DCTN6: variants seen among roughly 807,000 people sequenced by gnomAD.
The protein encoded by DCTN6 is dynactin 6.
In DCTN6, 15 loss-of-function variants were observed where a neutral mutation model predicts 25.8. That is an observed-to-expected ratio of 0.58 (90% confidence interval 0.39 to 0.89). The LOEUF (loss-of-function observed/expected upper bound fraction) is 0.89. Ranked by LOEUF, DCTN6 falls within the 40% of genes least tolerant of loss-of-function variation. The probability of loss-of-function intolerance (pLI) is 0.00; values close to 1 mark genes in which losing one functional copy is unlikely to be tolerated. For missense variants in DCTN6, 198 were observed against 237.6 expected (o/e 0.83, Z 1.09); for synonymous variants, 64 against 78.3 (o/e 0.82, Z 0.96).
At chr8:30,164,596 A>T (rs1803640976) in intron 2 of DCTN6, among the ~76,000 whole-genome samples, 1 of 152,196 alleles carries the variant, frequency 6.6e-6, no homozygotes, top group African/African-American at 2.4e-5. Flanking sequence ...CTTTGAACAT[A>T]TTACTTAACC....
intron 1 of DCTN6, among the ~76,000 whole-genome samples, chr8:30,157,322 T>C (rs1803539419): frequency 6.6e-6 from 1 of 152,238 alleles, no homozygotes; most frequent in African/African-American, 2.4e-5. Context: ...CCACATTTCC[T>C]TTATCCAGTC....
chr8:30,179,851 A>C (rs188549179), intron 5 of DCTN6, among the ~76,000 whole-genome samples: 192 of 152,262 alleles, frequency 1.3e-3, no homozygotes, highest in African/African-American at 3.8e-3. Context: ...AATCAGAAAC[A>C]AATATCATGT....
chr8:30,156,836 T>G (rs1803533001), intron 1 of DCTN6, among the ~76,000 whole-genome samples: 1 of 152,168 alleles, frequency 6.6e-6, no homozygotes, highest in African/African-American at 2.4e-5. Flanking sequence ...CCCACGCCAG[T>G]GCTGGCCGCA....
chr8:30,165,106 C>G (rs1392616041), intron 2 of DCTN6, among the ~76,000 whole-genome samples: 1 of 152,080 alleles, frequency 6.6e-6, no homozygotes, highest in Non-Finnish European at 1.5e-5. Context: ...GTATCTACCT[C>G]CTAGGTTTCT....
chr8:30,177,167 C>G lies in DCTN6; in HGVS notation c.236C>G (p.Pro79Arg). ...NITPDTEDPE[P>R]KPMIIGTNNV... is the part of the protein sequence containing the mutation. The stretch of plus-strand genomic sequence containing the variant: ...ACTCCTGACACTGAAGATCCAGAAC[C>G]AAAACCTATGATCATTGGCACCAAT... The change falls in exon 4 of 7, where the codon CCA becomes CGA. Residue 79 changes from proline to arginine, a missense_variant. Transcript: ENST00000221114. 1.2e-6 allele frequency: 2 copies of G among 1,613,792 alleles called. No individual in the cohort carries two copies. The highest frequency in any genetic ancestry group is 1.7e-6 in the Non-Finnish European group (2 of 1,179,854).
intron 2 of DCTN6, among the ~76,000 whole-genome samples, chr8:30,171,180 T>G (rs866577322): frequency 2.6e-5 from 4 of 152,264 alleles, no homozygotes; most frequent in Admixed American, 1.3e-4. Flanking sequence ...ATCTAGTGTC[T>G]CTGGCTACTT....
intron 3 of DCTN6, 92 bp downstream of exon 3, chr8:30,175,282 C>A: frequency 9.5e-7 from 1 of 1,048,040 alleles, no homozygotes; most frequent in Non-Finnish European, 1.4e-6. Flanking sequence ...AGCTGACATC[C>A]AGGAGGCCTA....
intron 3 of DCTN6, among the ~76,000 whole-genome samples, chr8:30,175,945 T>G (rs1803826634): frequency 6.6e-6 from 1 of 152,212 alleles, no homozygotes; most frequent in Non-Finnish European, 1.5e-5. Context: ...GTAAGTCAAT[T>G]AACAGCAACT....
chr8:30,165,295 G>C (rs1030369546), intron 2 of DCTN6, among the ~76,000 whole-genome samples: 1 of 151,952 alleles, frequency 6.6e-6, no homozygotes, highest in Non-Finnish European at 1.5e-5. Flanking sequence ...ACCTGGATAT[G>C]GTGCCCTTGT....
chr8:30,183,187 C>T lies in DCTN6; in HGVS notation c.*14C>T, dbSNP rs760861658. ...GTAAAGAACTAAGAACAGTGTATAA[C>T]ATGAAGATAACATTTTGTCTTTGAC... is the stretch of plus-strand genomic sequence containing the variant. On this transcript the variant is annotated 3_prime_UTR_variant, in exon 7 of 7. Coordinates refer to ENST00000221114, the MANE Select transcript of DCTN6 (RefSeq NM_006571.4). The T allele has an allele frequency of 1.2e-6, 2 of 1,605,058 alleles. No homozygotes were observed.
intron 2 of DCTN6, among the ~76,000 whole-genome samples, chr8:30,172,878 A>G (rs1803781918): frequency 6.6e-6 from 1 of 152,154 alleles, no homozygotes; most frequent in African/African-American, 2.4e-5. Context: ...ATATGTATCT[A>G]TGTGAATATG....
At chr8:30,164,005 T>C (rs1585499531) in intron 1 of DCTN6, 106 bp from the exon 2 acceptor site, 2 of 1,090,762 alleles carry the variant, frequency 1.8e-6, no homozygotes, top group Middle Eastern at 2.0e-4. Context: ...CCTGGCCTTT[T>C]TTTCCATCAT....
intron 2 of DCTN6, 85 bp downstream of exon 2, chr8:30,164,260 T>C: frequency 9.6e-7 from 1 of 1,044,080 alleles, no homozygotes; most frequent in East Asian, 2.5e-5. Context: ...CCGTCTTCCA[T>C]GTTTATTTCA....
chr8:30,164,763 G>A (rs1803643106), intron 2 of DCTN6, among the ~76,000 whole-genome samples: 1 of 152,216 alleles, frequency 6.6e-6, no homozygotes, highest in African/African-American at 2.4e-5. Flanking sequence ...TGTCCAGCAT[G>A]GAGCTCCGGC....
At chr8:30,177,265 C>T in intron 4 of DCTN6, 51 bp downstream of exon 4, 3 of 1,429,492 alleles carry the variant, frequency 2.1e-6, no homozygotes, top group Non-Finnish European at 9.8e-7. Flanking sequence ...TCCTTTAGTA[C>T]CTAAGTCTTC....
intron 2 of DCTN6, among the ~76,000 whole-genome samples, chr8:30,174,220 C>G (rs966112314): frequency 6.6e-5 from 10 of 152,188 alleles, no homozygotes; most frequent in Non-Finnish European, 1.2e-4. Flanking sequence ...CTGGGCCAGA[C>G]AGCAGAAGCT....
chr8:30,156,697 TG>T (rs1803530498), intron 1 of DCTN6, among the ~76,000 whole-genome samples: 1 of 151,758 alleles, frequency 6.6e-6, no homozygotes, highest in East Asian at 1.9e-4. Flanking sequence ...CGGGGGGGGC[TG>T]TGAGGGGAGG....
chr8:30,171,593 T>C (rs1228143379), intron 2 of DCTN6, among the ~76,000 whole-genome samples: 1 of 152,120 alleles, frequency 6.6e-6, no homozygotes, highest in Non-Finnish European at 1.5e-5. Context: ...TTATGGAAAA[T>C]ACTTTCATTA....
At chr8:30,170,370 CTCT>C (rs1803747891) in intron 2 of DCTN6, among the ~76,000 whole-genome samples, 2 of 152,062 alleles carry the variant, frequency 1.3e-5, no homozygotes, top group African/African-American at 2.4e-5. Context: ...TTATTTCAGC[CTCT>C]TAACACTGGG....
Sources: gnomAD v4.1 joint callset for allele counts (sites outside exome capture counted in the v4.1 genomes callset) on GRCh38, gnomAD v4.1.1 for gene constraint, MANE v1.5 for transcripts, NCBI Gene and HGNC (gene_info 2026-07-23, HGNC 2026-07-21) for gene names.